The following SCN11A variants were observed in gnomAD, a reference collection of about 807,000 sequenced individuals.
SCN11A encodes the protein sodium voltage-gated channel alpha subunit 11, also known as sodium channel protein type 11 subunit alpha.
Under a neutral mutation model 162.2 loss-of-function variants are expected in SCN11A, and 122 were observed. The ratio of observed to expected loss-of-function variants is 0.75; its 90% CI spans 0.65 to 0.87. The LOEUF is 0.87. SCN11A is among the 40% of genes least tolerant of loss of function. The pLI is 0.00. For synonymous variants in SCN11A, 758 were observed against 751.5 expected (o/e 1.01, Z -0.14); for missense variants, 2,015 against 2,181.6 (o/e 0.92, Z 1.52).
In SCN11A at chr3:38,943,488, T is replaced by C. The variant is rs1026556639; in HGVS notation, c.488+1923A>G. On this transcript the variant is annotated intron_variant, in intron 7 of 29. Coordinates refer to ENST00000302328, the MANE Select transcript of SCN11A (RefSeq NM_001349253.2). The stretch of plus-strand genomic sequence containing the variant: ...ATATGTTCCTGAAAGATTAAAGCAG[T>C]AATTATGTTAAACTAGAAAAACTGG... Among the ~76,000 whole-genome samples the C allele has an allele frequency of 2.0e-5, 3 of 152,216 alleles. No individual in the cohort carries two copies. The South Asian group carries it at 6.2e-4, about 31-fold the overall frequency.
At chr3:39,012,440 C>CTCTCTCTT (rs937203799) in intron 2 of SCN11A, among the ~76,000 whole-genome samples, 3 of 150,058 alleles carry the variant, frequency 2.0e-5, no homozygotes, top group Admixed American at 6.6e-5. Flanking sequence ...CTTTCTTTCT[C>CTCTCTCTT]TCTCTCTTTC....
At chr3:38,854,751 G>A (rs990904206) in intron 28 of SCN11A, among the ~76,000 whole-genome samples, 5 of 152,218 alleles carry the variant, frequency 3.3e-5, no homozygotes, top group African/African-American at 4.8e-5. Context: ...CACGAGAGAA[G>A]GTTGTAACCT....
chr3:38,927,325 T>G (rs2066160106), intron 7 of SCN11A, among the ~76,000 whole-genome samples: 1 of 152,178 alleles, frequency 6.6e-6, no homozygotes. Flanking sequence ...AATAGCTGAA[T>G]TTTTTCATAC....
rs2125539658 is a variant in SCN11A, at chr3:38,911,853, C to T, written c.960-1646G>A. 2.0e-5 allele frequency among the ~76,000 whole-genome samples: 3 copies of T among 152,240 alleles called. No homozygotes were observed. In the South Asian group the frequency reaches 6.2e-4, roughly 32 times the overall value. On this transcript the variant is annotated intron_variant, in intron 11 of 29. Coordinates refer to ENST00000302328, the MANE Select transcript of SCN11A (RefSeq NM_001349253.2). ...ATATCTCTTTTAATTTCACCAAGGACACTATTCAAAGTTTTCAGAGCCCTT... is the reference window on the plus strand; with the variant it reads ...ATATCTCTTTTAATTTCACCAAGGATACTATTCAAAGTTTTCAGAGCCCTT...
intron 7 of SCN11A, among the ~76,000 whole-genome samples, chr3:38,944,334 T>C (rs1177258627): frequency 1.4e-5 from 2 of 142,068 alleles, no homozygotes; most frequent in Admixed American, 7.0e-5. Flanking sequence ...AGAAAATCCA[T>C]TTTTTTTTTT....
chr3:38,930,470 T>C (rs935393950), intron 7 of SCN11A, among the ~76,000 whole-genome samples: 1 of 152,098 alleles, frequency 6.6e-6, no homozygotes, highest in Non-Finnish European at 1.5e-5. Flanking sequence ...ATTAAAAGAG[T>C]TTAAAAAGGC....
At chr3:39,021,355 T>C (rs1214567190) in intron 2 of SCN11A, among the ~76,000 whole-genome samples, 1 of 152,164 alleles carries the variant, frequency 6.6e-6, no homozygotes, top group African/African-American at 2.4e-5. Flanking sequence ...TTAGTTTGCT[T>C]AGGAACTCAA....
At chr3:38,952,816 A>T (rs2066637908) in intron 4 of SCN11A, among the ~76,000 whole-genome samples, 1 of 152,166 alleles carries the variant, frequency 6.6e-6, no homozygotes, top group Non-Finnish European at 1.5e-5. Flanking sequence ...GTGTACAGGA[A>T]CCCTCAGCTG....
intron 2 of SCN11A, among the ~76,000 whole-genome samples, chr3:39,017,707 CTATGTCTTT>C (rs2031334190): frequency 6.6e-6 from 1 of 151,936 alleles, no homozygotes; most frequent in Non-Finnish European, 1.5e-5. Context: ...TGTAGAAGTT[CTATGTCTTT>C]TTTTTTACAT....
chr3:38,953,988 C>T (rs1338310291), intron 3 of SCN11A, among the ~76,000 whole-genome samples: 3 of 152,184 alleles, frequency 2.0e-5, no homozygotes. Flanking sequence ...TCAGGTTAGC[C>T]CCAAACAAAG....
At chr3:38,847,827 G>T (rs546561049) in intron 29 of SCN11A, 85 bp from the exon 30 acceptor site, 171 of 758,186 alleles carry the variant, frequency 2.3e-4, no homozygotes, top group African/African-American at 1.6e-3. Flanking sequence ...GAATCCTATG[G>T]GGGCCAACTT....
At chr3:38,979,989 C>G (rs767869168) in intron 2 of SCN11A, among the ~76,000 whole-genome samples, 1 of 152,160 alleles carries the variant, frequency 6.6e-6, no homozygotes, top group Non-Finnish European at 1.5e-5. Flanking sequence ...TCTGTGGTCA[C>G]CCTGAGATTC....
At position 38,850,703 on chromosome 3, in the gene SCN11A, C is replaced by T; in HGVS notation, c.4105G>A (p.Asp1369Asn). 3 of 1,613,102 alleles carry T rather than the reference C, an allele frequency of 1.9e-6. No individual in the cohort carries two copies. The highest frequency in any genetic ancestry group is 1.7e-6 in the Non-Finnish European group (2 of 1,179,422). Reference sequence around the variant, plus strand: ...ATAATGAGACTTATGATGATGATGTCAAAGATCTGGCTTGTGACTATGTCG... The same window carrying T: ...ATAATGAGACTTATGATGATGATGTTAAAGATCTGGCTTGTGACTATGTCG... ...VFDIVTSQIFDIIIISLIILN... is the reference protein window; with the variant it reads ...VFDIVTSQIFNIIIISLIILN... The change falls in exon 29 of 30, where the codon GAC (aspartate) becomes AAC (asparagine). Residue 1369 changes from aspartate (D) to asparagine (N), a missense_variant. Asp to Asn is a conservative substitution (Grantham distance 23). Transcript: ENST00000302328.
rs745487812 is a variant in SCN11A at position 38,907,931 on chromosome 3, T to C, written c.1473+18A>G. On this transcript the variant is annotated intron_variant, in intron 14 of 29. Transcript: ENST00000302328. ...TGGACAGCAATATGGTATCATTAAT[T>C]CCCTGGAAAAGACTTACCTTTTTTT... is the stretch of plus-strand genomic sequence containing the variant. 3.8e-6 allele frequency: 6 copies of C among 1,589,024 alleles called. No individual in the cohort carries two copies. In the South Asian group the frequency reaches 7.0e-5, roughly 19 times the overall value.
At chr3:39,044,302 G>A (rs1559584506) in intron 1 of SCN11A, among the ~76,000 whole-genome samples, 2 of 151,990 alleles carry the variant, frequency 1.3e-5, no homozygotes, top group Admixed American at 1.3e-4. Context: ...AGATTTAAAC[G>A]GCAATATAGA....
intron 2 of SCN11A, among the ~76,000 whole-genome samples, chr3:38,981,933 G>A (rs2030073236): frequency 6.6e-6 from 1 of 151,902 alleles, no homozygotes; most frequent in Non-Finnish European, 1.5e-5. Flanking sequence ...GAACCCAGGA[G>A]GCAGAGGTTG....
chr3:39,017,628 CCT>C (rs1198405899), intron 2 of SCN11A, among the ~76,000 whole-genome samples: 5 of 152,020 alleles, frequency 3.3e-5, no homozygotes, highest in African/African-American at 9.7e-5. Flanking sequence ...CTCTCTCTTT[CCT>C]CTCTTTTGGA....
intron 2 of SCN11A, among the ~76,000 whole-genome samples, chr3:38,984,322 G>T (rs1196524032): frequency 6.6e-6 from 1 of 152,190 alleles, no homozygotes; most frequent in African/African-American, 2.4e-5. Context: ...AATCTAAAGA[G>T]CTCCCCCTAC....
intron 1 of SCN11A, among the ~76,000 whole-genome samples, chr3:39,046,223 G>A (rs1046790572): frequency 6.9e-6 from 1 of 145,208 alleles, no homozygotes; most frequent in South Asian, 2.3e-4. Flanking sequence ...TCAGGCCACT[G>A]CACTCCAGCC....
Sources: allele counts gnomAD v4.1 joint callset (sites outside exome capture counted in the v4.1 genomes callset), GRCh38; gene constraint gnomAD v4.1.1; transcripts MANE v1.5; gene names NCBI Gene and HGNC (gene_info 2026-07-23, HGNC 2026-07-21).